Variants in TCF4 observed in about 807,000 individuals in gnomAD.
TCF4 encodes the protein SL3-3 enhancer factor 2.
Under a neutral mutation model 82.1 loss-of-function variants are expected in TCF4, and 3 were observed. That is an observed-to-expected ratio of 0.04 (90% CI 0.02 to 0.09). The LOEUF is 0.09. Ranked by LOEUF, TCF4 falls within the 10% of genes least tolerant of loss-of-function variation. TCF4 has a pLI of 1.00. For synonymous variants in TCF4, 276 were observed against 309.6 expected (o/e 0.89, Z 1.14); for missense variants, 518 against 852.7 (o/e 0.61, Z 4.89).
intron 5 of TCF4, among the ~76,000 whole-genome samples, chr18:55,416,710 A>T (rs1302362876): frequency 6.6e-6 from 1 of 152,248 alleles, no homozygotes; most frequent in Non-Finnish European, 1.5e-5. Flanking sequence ...GCCTAAGTTA[A>T]AATGACGATG....
chr18:55,373,633 T>C (rs2089950790), intron 6 of TCF4, among the ~76,000 whole-genome samples: 1 of 151,842 alleles, frequency 6.6e-6, no homozygotes, highest in Non-Finnish European at 1.5e-5. Context: ...GCCAAAATGA[T>C]GAAACTCCAT....
intron 6 of TCF4, among the ~76,000 whole-genome samples, chr18:55,381,925 T>TAAAAA: frequency 6.6e-6 from 1 of 150,780 alleles, no homozygotes; most frequent in African/African-American, 2.4e-5. Flanking sequence ...TTTTTTTTTT[T>TAAAAA]AAAAAAGGAA....
chr18:55,606,382 C>T (rs1432540087), intron 2 of TCF4, among the ~76,000 whole-genome samples: 1 of 152,176 alleles, frequency 6.6e-6, no homozygotes, highest in Non-Finnish European at 1.5e-5. Flanking sequence ...GGAATATTAA[C>T]GGAAATGTTT....
intron 15 of TCF4, among the ~76,000 whole-genome samples, chr18:55,242,311 T>C (rs552319006): frequency 3.2e-4 from 48 of 152,330 alleles, no homozygotes; most frequent in Non-Finnish European, 3.4e-4. Context: ...AAGCCTATAC[T>C]TGTCTCCATT....
At chr18:55,337,742 T>C (rs2078952772) in intron 8 of TCF4, among the ~76,000 whole-genome samples, 1 of 152,136 alleles carries the variant, frequency 6.6e-6, no homozygotes, top group Non-Finnish European at 1.5e-5. Context: ...AAGTGCACTA[T>C]ATATTATTCT....
At chr18:55,576,467 A>C (rs2097529005) in intron 3 of TCF4, among the ~76,000 whole-genome samples, 1 of 152,138 alleles carries the variant, frequency 6.6e-6, no homozygotes, top group Non-Finnish European at 1.5e-5. Flanking sequence ...TTTTGCCTGG[A>C]AATCATCCCA....
At chr18:55,413,857 A>G (rs901023596) in intron 5 of TCF4, among the ~76,000 whole-genome samples, 2 of 152,276 alleles carry the variant, frequency 1.3e-5, no homozygotes, top group Admixed American at 6.5e-5. Flanking sequence ...TGCAAAAATT[A>G]TCATCTGAAT....
At chr18:55,364,518 T>TA (rs1192568130) in intron 6 of TCF4, among the ~76,000 whole-genome samples, 1 of 152,190 alleles carries the variant, frequency 6.6e-6, no homozygotes. Context: ...ATATTTGTTA[T>TA]AAAAAATATA....
At chr18:55,419,516 A>G (rs755049403) in intron 5 of TCF4, among the ~76,000 whole-genome samples, 32 of 152,180 alleles carry the variant, frequency 2.1e-4, no homozygotes, top group Non-Finnish European at 4.1e-4. Context: ...TCAGATCTTA[A>G]TCATAAAGCA....
chr18:55,427,801 G>A (rs989960431), intron 5 of TCF4, among the ~76,000 whole-genome samples: 7 of 152,148 alleles, frequency 4.6e-5, no homozygotes, highest in African/African-American at 1.7e-4. Flanking sequence ...ATTGGTAAAT[G>A]AAAAACTGTT....
At chr18:55,358,806 C>T (rs1431590395) in intron 6 of TCF4, among the ~76,000 whole-genome samples, 4 of 152,138 alleles carry the variant, frequency 2.6e-5, no homozygotes, top group Non-Finnish European at 4.4e-5. Flanking sequence ...CCACTTACCC[C>T]CTGGATAATC....
intron 3 of TCF4, among the ~76,000 whole-genome samples, chr18:55,557,272 C>A (rs1230265852): frequency 6.6e-6 from 1 of 152,074 alleles, no homozygotes; most frequent in Admixed American, 6.6e-5. Flanking sequence ...CAGACACAGA[C>A]ACAGACACAC....
At chr18:55,264,198 T>C (rs966614086) in intron 11 of TCF4, among the ~76,000 whole-genome samples, 5 of 152,194 alleles carry the variant, frequency 3.3e-5, no homozygotes, top group Non-Finnish European at 7.3e-5. Context: ...CAGGGAGATA[T>C]TATGACTCAG....
At chr18:55,300,283 T>C (rs753277754) in intron 8 of TCF4, among the ~76,000 whole-genome samples, 5 of 152,186 alleles carry the variant, frequency 3.3e-5, no homozygotes, top group Non-Finnish European at 7.3e-5. Flanking sequence ...CCAACCATCT[T>C]GATGGACTGA....
At chr18:55,524,848 C>T (rs1367676937) in intron 3 of TCF4, among the ~76,000 whole-genome samples, 1 of 152,112 alleles carries the variant, frequency 6.6e-6, no homozygotes, top group East Asian at 1.9e-4. Flanking sequence ...AACCAAAGAA[C>T]TGGGAACAAT....
intron 15 of TCF4, among the ~76,000 whole-genome samples, chr18:55,239,621 A>T (rs2050636209): frequency 1.3e-5 from 2 of 152,228 alleles, no homozygotes; most frequent in Non-Finnish European, 2.9e-5. Context: ...GCAGGGGGAA[A>T]ATCATAGTTC....
At chr18:55,509,334 GAC>G (rs35790117) in intron 3 of TCF4, among the ~76,000 whole-genome samples, 44,005 of 149,990 alleles carry the variant, frequency 0.29, 7,375 homozygotes, top group East Asian at 0.56. Context: ...CACACAGACA[GAC>G]ACACACACAC....
chr18:55,631,231 G>T, intron 2 of TCF4: 1 of 679,228 alleles, frequency 1.5e-6, no homozygotes, highest in Non-Finnish European at 2.5e-6. Flanking sequence ...TGTGTTTTTA[G>T]TAGAGACAGG....
intron 2 of TCF4, among the ~76,000 whole-genome samples, chr18:55,613,500 T>G (rs1398393606): frequency 3.3e-5 from 5 of 152,206 alleles, no homozygotes; most frequent in African/African-American, 1.2e-4. Context: ...TTTTCTGTAT[T>G]AGTCTGTTCT....
Sources: gnomAD v4.1 joint callset for allele counts (sites outside exome capture counted in the v4.1 genomes callset) on GRCh38, gnomAD v4.1.1 for gene constraint, MANE v1.5 for transcripts, NCBI Gene and HGNC (gene_info 2026-07-23, HGNC 2026-07-21) for gene names.